Variants in MTOR observed in about 807,000 individuals in gnomAD.
The protein encoded by MTOR is mechanistic target of rapamycin kinase.
A neutral mutation model predicts 319.8 loss-of-function variants in MTOR; 70 were observed. That is an observed-to-expected ratio of 0.22 (90% CI 0.18 to 0.27). MTOR has a LOEUF of 0.27. Ranked by LOEUF, MTOR falls within the 10% of genes least tolerant of loss-of-function variation. MTOR has a pLI of 1.00. For missense variants in MTOR, 1,890 were observed against 3,274.4 expected, an observed-to-expected ratio of 0.58 and a Z score of 10.32; for synonymous variants, 1,183 against 1,211.4, an observed-to-expected ratio of 0.98 and a Z score of 0.49.
chr1:11,130,388 G>C, intron 39 of MTOR, 141 bp downstream of exon 39: 2 of 1,326,520 alleles, frequency 1.5e-6, no homozygotes, highest in Non-Finnish European at 2.0e-6. Flanking sequence ...GGCAGTGCTG[G>C]ATGGTAGATA....
At chr1:11,167,946 T>C (rs550246461) in intron 28 of MTOR, among the ~76,000 whole-genome samples, 341 of 152,186 alleles carry the variant, frequency 2.2e-3, no homozygotes, top group African/African-American at 7.1e-3. Context: ...GGCAGGCACC[T>C]GTAGTCCCAG....
chr1:11,190,957 T>C (rs1645506686), intron 28 of MTOR, among the ~76,000 whole-genome samples: 1 of 152,186 alleles, frequency 6.6e-6, no homozygotes. Flanking sequence ...TGAACCAACA[T>C]GTATCAATCA....
chr1:11,111,940 AG>A (rs1340650350), intron 54 of MTOR, among the ~76,000 whole-genome samples: 4 of 139,376 alleles, frequency 2.9e-5, no homozygotes, highest in Non-Finnish European at 4.6e-5. Context: ...GGCTAAACAA[AG>A]TTAAACAATT....
intron 19 of MTOR, among the ~76,000 whole-genome samples, 162 bp downstream of exon 19, chr1:11,228,506 G>A (rs1473856396): frequency 3.3e-5 from 5 of 152,078 alleles, no homozygotes; most frequent in African/African-American, 1.2e-4. Context: ...CCAGGACACT[G>A]GAGTGAGCTG....
rs1477042215 is a variant in MTOR, at chr1:11,232,505, T to C, written c.2445A>G (p.Lys815=). The change falls in exon 16 of 58, where the codon AAA becomes AAG. Residue 815 remains lysine, a synonymous_variant. Coordinates refer to ENST00000361445, the MANE Select transcript of MTOR (RefSeq NM_004958.4). ...TGATAATAAAAAGTTCATCAACCCA[T>C]TTCCTCATTTCCAGGCCACTAACCT... ...LAQVSGLEMR[K]WVDELFIIIM... The C allele has an allele frequency of 2.5e-6, 4 of 1,613,816 alleles. No individual in the cohort carries two copies. The highest frequency in any genetic ancestry group is 3.4e-6 in the Non-Finnish European group (4 of 1,179,752).
At chr1:11,174,143 T>C (rs1020833255) in intron 28 of MTOR, among the ~76,000 whole-genome samples, 1 of 152,190 alleles carries the variant, frequency 6.6e-6, no homozygotes, top group African/African-American at 2.4e-5. Flanking sequence ...TAGTGCCATG[T>C]TGAGGTAAAG....
At chr1:11,163,640 C>T (rs1264498433) in intron 29 of MTOR, among the ~76,000 whole-genome samples, 4 of 152,118 alleles carry the variant, frequency 2.6e-5, no homozygotes, top group East Asian at 1.9e-4. Flanking sequence ...CATTCAAAAC[C>T]GCTCAACTAC....
intron 19 of MTOR, among the ~76,000 whole-genome samples, chr1:11,222,490 C>A (rs543108201): frequency 6.6e-6 from 1 of 152,228 alleles, no homozygotes; most frequent in Non-Finnish European, 1.5e-5. Context: ...GGCCACTGCG[C>A]CCAGCCTAAA....
At chr1:11,246,523 C>T (rs1648850231) in intron 8 of MTOR, among the ~76,000 whole-genome samples, 2 of 152,228 alleles carry the variant, frequency 1.3e-5, no homozygotes, top group Non-Finnish European at 2.9e-5. Flanking sequence ...GGCGAATTGT[C>T]ATGTCCTCAC....
At chr1:11,259,885 C>T (rs958400117) in intron 1 of MTOR, among the ~76,000 whole-genome samples, 40 of 151,986 alleles carry the variant, frequency 2.6e-4, no homozygotes, top group Admixed American at 1.6e-3. Context: ...AGCCGAGATC[C>T]TGCCACTGCA....
Position 11,240,295 on chromosome 1 carries a change from T to C in MTOR, c.1786+8A>G. On this transcript the variant is annotated splice_region_variant and intron_variant, in intron 11 of 57. Transcript: ENST00000361445. ...ACTATCTTGGCAAGAGCCGTTGTAA[T>C]TTCTTACCTTCAAATTCAAAGCTGC... The C allele has an allele frequency of 6.5e-7, 1 of 1,548,878 alleles. No individual in the cohort carries two copies. Among genetic ancestry groups the C allele is most frequent in the African/African-American group, 1.4e-5 (1 of 72,722 alleles).
chr1:11,221,451 T>C (rs1646659936), intron 19 of MTOR, among the ~76,000 whole-genome samples: 1 of 151,984 alleles, frequency 6.6e-6, no homozygotes, highest in Admixed American at 6.6e-5. Context: ...AATACTAACA[T>C]TGGTCATTTT....
intron 3 of MTOR, among the ~76,000 whole-genome samples, chr1:11,257,476 T>C (rs548115753): frequency 1.7e-4 from 25 of 146,058 alleles, no homozygotes; most frequent in African/African-American, 6.3e-4. Flanking sequence ...GGCAGGAGAA[T>C]TGCTTGGACC....
chr1:11,193,410 C>G (rs28991008), intron 28 of MTOR, among the ~76,000 whole-genome samples: 4 of 152,206 alleles, frequency 2.6e-5, no homozygotes, highest in Non-Finnish European at 4.4e-5. Flanking sequence ...CACCACCCAC[C>G]CCAGCTCACC....
In MTOR at chr1:11,176,068, A is replaced by G. The variant is rs1644978497; in HGVS notation, c.4254-8551T>C. Among the ~76,000 whole-genome samples the G allele has an allele frequency of 2.0e-5, 3 of 152,044 alleles. No homozygotes were observed. In the South Asian group the frequency reaches 6.2e-4, roughly 31 times the overall value. ...CAGCCCCCTCACTGCCTTTTATTGG[A>G]GGAGGATGAGATTGACTGAAATAGT... is the stretch of plus-strand genomic sequence containing the variant. On this transcript the variant is annotated intron_variant, in intron 28 of 57. Transcript: ENST00000361445.
rs1642893336 is a variant in MTOR, at chr1:11,127,396, C to T, written c.6216+228G>A. Among the ~76,000 whole-genome samples, 1 of 152,138 alleles carries T rather than the reference C, an allele frequency of 6.6e-6. No homozygotes were observed. The highest frequency in any genetic ancestry group is 2.1e-4 in the South Asian group (1 of 4,828). On this transcript the variant is annotated intron_variant, in intron 44 of 57. Transcript: ENST00000361445. The surrounding 1 kb of genome is among the most constrained non-coding windows in gnomAD (Gnocchi z 5.5). ...CCTCTTGAGAAATCTTGGGCTTTTC[C>T]AGTTAAAATTCAGAAGGGTCCCTGT...
rs1382858749 is a variant in MTOR, at chr1:11,115,375, G to C, written c.7089+21C>G. 3.7e-6 allele frequency: 6 copies of C among 1,612,024 alleles called. No individual in the cohort carries two copies. Among genetic ancestry groups the C allele is most frequent in the African/African-American group, 1.3e-5 (1 of 74,932 alleles). On this transcript the variant is annotated intron_variant, in intron 51 of 57. Transcript: ENST00000361445. This position sits in a 1 kb window ranked among gnomAD's most constrained non-coding sequence, Gnocchi z 4.5. ...TGATCACCCGGGAAGATGAGGTTGGGGTTCTAGAACATGTGTTCACCTCAA... is the reference window on the plus strand; with the variant it reads ...TGATCACCCGGGAAGATGAGGTTGGCGTTCTAGAACATGTGTTCACCTCAA...
At chr1:11,174,487 G>C (rs1382351409) in intron 28 of MTOR, among the ~76,000 whole-genome samples, 1 of 152,162 alleles carries the variant, frequency 6.6e-6, no homozygotes, top group East Asian at 1.9e-4. Context: ...TGCCATCACA[G>C]CAGGCTTTTC....
intron 36 of MTOR, 81 bp from the exon 37 acceptor site, chr1:11,134,547 G>C: frequency 1.7e-6 from 2 of 1,187,434 alleles, no homozygotes; most frequent in South Asian, 2.5e-5. Flanking sequence ...CATCTGATAG[G>C]CATGAGTCAA....
Sources: gnomAD v4.1 joint callset for allele counts (sites outside exome capture counted in the v4.1 genomes callset) on GRCh38, gnomAD v4.1.1 for gene constraint, Gnocchi (gnomAD v3.1) non-coding constraint, MANE v1.5 for transcripts, NCBI Gene and HGNC (gene_info 2026-07-23, HGNC 2026-07-21) for gene names.